The following SLC9A7 variants were observed in gnomAD, a reference collection of about 807,000 sequenced individuals.
SLC9A7 encodes sodium/hydrogen exchanger 7.
In SLC9A7, 19 loss-of-function variants were observed where a neutral mutation model predicts 52.6. The ratio of observed to expected loss-of-function variants is 0.36; its 90% CI spans 0.25 to 0.53. The LOEUF is 0.53. Ranked by LOEUF, SLC9A7 falls within the 20% of genes least tolerant of loss-of-function variation. SLC9A7 has a pLI of 0.91. For missense variants in SLC9A7, 455 were observed against 597.9 expected (o/e 0.76, Z 2.49); for synonymous variants, 226 against 252.1 (o/e 0.90, Z 0.98).
At chrX:46,661,397 A>T in intron 7 of SLC9A7, among the ~76,000 whole-genome samples, 1 of 111,499 alleles carries the variant, frequency 9.0e-6, no homozygotes, top group African/African-American at 3.3e-5. Context: ...AGAAAAAAAA[A>T]TTATTTTTAT....
In SLC9A7 at chrX:46,658,661, G is replaced by A. The variant is rs1450232289; in HGVS notation, c.1041+3355C>T. On this transcript the variant is annotated intron_variant, in intron 7 of 16. Coordinates refer to ENST00000616978, the MANE Select transcript of SLC9A7 (RefSeq NM_001257291.2). Reference sequence around the variant, plus strand: ...ATTCCTCGACACATACACTCTCCCAGGACTAAACCAGGAAGAAGTTGAATC... The same window carrying A: ...ATTCCTCGACACATACACTCTCCCAAGACTAAACCAGGAAGAAGTTGAATC... 7.5e-3 allele frequency among the ~76,000 whole-genome samples: 827 copies of A among 110,079 alleles called. 7 individuals are homozygous for A. The highest frequency in any genetic ancestry group is 0.026 in the African/African-American group (794 of 30,185).
intron 15 of SLC9A7, among the ~76,000 whole-genome samples, chrX:46,615,206 C>T (rs900275865): frequency 3.6e-5 from 4 of 111,979 alleles, no homozygotes; most frequent in Admixed American, 2.8e-4. Flanking sequence ...CCATACCCAG[C>T]TAATTTTTGT....
chrX:46,655,850 C>T (rs1384483451), intron 7 of SLC9A7, among the ~76,000 whole-genome samples: 1 of 112,700 alleles, frequency 8.9e-6, no homozygotes, highest in Non-Finnish European at 1.9e-5. Flanking sequence ...CCGGGAAGCT[C>T]GAACTGGGTG....
Position 46,682,342 on chromosome X carries a change from T to C in SLC9A7, c.519A>G (p.Leu173=). Residue 173 remains leucine, a synonymous_variant, in exon 2 of 17, where the codon CTA becomes CTG. Transcript: ENST00000616978. ...KINSVEQNDM[L]RKVTFDPEVF... is the part of the protein sequence containing the mutation. ...CTGAGTGTCCCCAGCTCACCTTCCGTAGCATATCATTCTGCTCTACGCTGT... is the reference window on the plus strand; with the variant it reads ...CTGAGTGTCCCCAGCTCACCTTCCGCAGCATATCATTCTGCTCTACGCTGT... The C allele has an allele frequency of 8.3e-7, 1 of 1,210,931 alleles. No individual in the cohort carries two copies. Among genetic ancestry groups the C allele is most frequent in the Non-Finnish European group, 1.1e-6 (1 of 894,492 alleles).
chrX:46,757,667 C>A (rs1373025208), intron 1 of SLC9A7, among the ~76,000 whole-genome samples: 1 of 111,438 alleles, frequency 9.0e-6, no homozygotes, highest in African/African-American at 3.3e-5. Context: ...TGTGAGGATG[C>A]CAATTCAGGG....
rs1428059676 is a variant in SLC9A7 at position 46,602,307 on chromosome X, CTGTCTGTATTACTGATCAA to C, written c.*4626_*4644del. The stretch of plus-strand genomic sequence containing the variant: ...AGCATCAAACTCTCTCACAGCTGCC[CTGTCTGTATTACTGATCAA>C]TACTCAGTTCGTTTCACATGACTAA... On this transcript the variant is annotated 3_prime_UTR_variant, in exon 17 of 17. Transcript: ENST00000616978. 1 of 112,063 alleles carries C rather than the reference CTGTCTGTATTACTGATCAA, an allele frequency of 8.9e-6. No individual in the cohort carries two copies. The highest frequency in any genetic ancestry group is 3.2e-5 in the African/African-American group (1 of 30,808). The allele number at this position is 112,063 out of a possible 1,213,427, so 9.2% of individuals were successfully genotyped here. A position where few individuals can be genotyped will look rare whatever the true frequency, so the allele number is the denominator to read the frequency against.
intron 14 of SLC9A7, among the ~76,000 whole-genome samples, chrX:46,629,405 C>G (rs1943187276): frequency 8.9e-6 from 1 of 112,223 alleles, no homozygotes; most frequent in Non-Finnish European, 1.9e-5. Flanking sequence ...GGACCTGCTG[C>G]TTTCTCACTC....
At chrX:46,682,960 ATT>A (rs1169630244) in intron 1 of SLC9A7, among the ~76,000 whole-genome samples, 98 of 64,896 alleles carry the variant, frequency 1.5e-3, no homozygotes, top group African/African-American at 2.7e-3. Context: ...CACCCGGCTA[ATT>A]TTTTTTTTTT....
In SLC9A7 at chrX:46,713,815, T is replaced by A. The variant is rs142235103; in HGVS notation, c.326-31280A>T. Among the ~76,000 whole-genome samples, 164 of 110,330 alleles carry A rather than the reference T, an allele frequency of 1.5e-3. 4 individuals are homozygous for A. The highest frequency in any genetic ancestry group is 0.014 in the East Asian group (51 of 3,532). On this transcript the variant is annotated intron_variant, in intron 1 of 16. Transcript: ENST00000616978. ...ATTAGGGGATTTTCCTCTCCCTTCTTAATTAACTCAAGGTTTCAAAACGTT... is the reference window on the plus strand; with the variant it reads ...ATTAGGGGATTTTCCTCTCCCTTCTAAATTAACTCAAGGTTTCAAAACGTT...
intron 13 of SLC9A7, among the ~76,000 whole-genome samples, chrX:46,633,377 A>AAAAAC (rs1569505125): frequency 2.5e-4 from 25 of 98,602 alleles, no homozygotes; most frequent in African/African-American, 7.7e-4. Flanking sequence ...AAAAAAAAAA[A>AAAAAC]AAAACAGATC....
In SLC9A7 at chrX:46,719,379, C is replaced by T. The variant is rs993418277; in HGVS notation, c.326-36844G>A. Among the ~76,000 whole-genome samples the T allele has an allele frequency of 3.6e-5, 4 of 110,256 alleles. No homozygotes were observed. In the East Asian group the frequency reaches 1.1e-3, roughly 31 times the overall value. On this transcript the variant is annotated intron_variant, in intron 1 of 16. Transcript: ENST00000616978. The stretch of plus-strand genomic sequence containing the variant: ...TAATGGGTGCGGCACACCAACATGG[C>T]ACATGTATACATATGTAACAAACCT...
At chrX:46,658,129 A>G (rs1943738472) in intron 7 of SLC9A7, among the ~76,000 whole-genome samples, 1 of 100,333 alleles carries the variant, frequency 1.0e-5, no homozygotes, top group Non-Finnish European at 2.0e-5. Flanking sequence ...ACTACTGGGT[A>G]CATAACGAAA....
At chrX:46,631,735 G>C in intron 13 of SLC9A7, 86 bp from the exon 14 acceptor site, 1 of 709,181 alleles carries the variant, frequency 1.4e-6, no homozygotes, top group South Asian at 2.4e-5. Flanking sequence ...CAAGTAGCCT[G>C]GAGGCTAATC....
At chrX:46,666,393 G>A (rs189054783) in intron 5 of SLC9A7, among the ~76,000 whole-genome samples, 15 of 112,200 alleles carry the variant, frequency 1.3e-4, no homozygotes, top group South Asian at 3.7e-4. Flanking sequence ...GCTTAACTCT[G>A]CACTTAAGAT....
chrX:46,619,573 C>A (rs1943008994), intron 15 of SLC9A7, among the ~76,000 whole-genome samples: 1 of 111,308 alleles, frequency 9.0e-6, no homozygotes, highest in Admixed American at 9.5e-5. Context: ...CCAAATAAGC[C>A]AGACACTAAA....
At chrX:46,628,906 T>C (rs1314770063) in intron 14 of SLC9A7, among the ~76,000 whole-genome samples, 3 of 112,545 alleles carry the variant, frequency 2.7e-5, no homozygotes, top group Non-Finnish European at 5.6e-5. Flanking sequence ...CTGCTGTTAG[T>C]GGCTCACTAG....
chrX:46,691,157 T>C (rs1355925764), intron 1 of SLC9A7, among the ~76,000 whole-genome samples: 1 of 102,286 alleles, frequency 9.8e-6, no homozygotes, highest in African/African-American at 3.4e-5. Flanking sequence ...TTTGACAACT[T>C]TGTCCAATTT....
At chrX:46,703,055 T>C (rs774330265) in intron 1 of SLC9A7, among the ~76,000 whole-genome samples, 6 of 112,498 alleles carry the variant, frequency 5.3e-5, no homozygotes, top group Admixed American at 9.4e-5. Flanking sequence ...TTTTATATGC[T>C]TCTTGGCCAC....
chrX:46,616,471 C>A (rs1370555837), intron 15 of SLC9A7, among the ~76,000 whole-genome samples: 3 of 111,789 alleles, frequency 2.7e-5, no homozygotes, highest in Non-Finnish European at 5.6e-5. Context: ...AAATGTAACA[C>A]ACTGTCATTT....
Sources: gnomAD v4.1 joint callset for allele counts (sites outside exome capture counted in the v4.1 genomes callset) on GRCh38, gnomAD v4.1.1 for gene constraint, MANE v1.5 for transcripts, NCBI Gene and HGNC (gene_info 2026-07-23, HGNC 2026-07-21) for gene names.